Variants in CFAP54 observed in about 807,000 individuals in gnomAD.
CFAP54 encodes cilia- and flagella-associated protein 54.
In CFAP54, 290 loss-of-function variants were observed where a neutral mutation model predicts 370.4. That is an observed-to-expected ratio of 0.78 (90% CI 0.71 to 0.86). The LOEUF is 0.86. Among genes scored for constraint, CFAP54 ranks in the 40% least tolerant of loss-of-function variants. The pLI, the probability that CFAP54 is intolerant of heterozygous loss-of-function variation, is 0.00. For synonymous variants in CFAP54, 1,206 were observed against 1,236.5 expected, an observed-to-expected ratio of 0.98 and a Z score of 0.52; for missense variants, 3,399 against 3,528.7, an observed-to-expected ratio of 0.96 and a Z score of 0.93.
At position 96,691,215 on chromosome 12, in the gene CFAP54, C is replaced by T. The variant is rs541745068; in HGVS notation, c.6169C>T (p.Leu2057Phe). ...EITQLLPGIELFSDRYRADIC... is the reference protein window; with the variant it reads ...EITQLLPGIEFFSDRYRADIC... ...CACTCAGCTTCTCCCAGGCATTGAA[C>T]TCTTCTCAGATAGATACAGGGCTGA... Residue 2057 changes from leucine to phenylalanine, a missense_variant, in exon 44 of 68, where the codon CTC becomes TTC. Leu to Phe is a conservative substitution (Grantham distance 22). Around this residue, in one of 3 missense-constraint regions of CFAP54, gnomAD observed 2,796 missense variants for 2,869.7 expected, o/e 0.97. Transcript: ENST00000524981. The T allele has an allele frequency of 1.1e-5, 18 of 1,613,552 alleles. No individual in the cohort carries two copies. Among genetic ancestry groups the T allele is most frequent in the Non-Finnish European group, 5.9e-6 (7 of 1,179,690 alleles).
intron 26 of CFAP54, among the ~76,000 whole-genome samples, chr12:96,619,399 T>G (rs1355672618): frequency 6.6e-6 from 1 of 152,162 alleles, no homozygotes; most frequent in African/African-American, 2.4e-5. Context: ...GTCAAATGGC[T>G]CTGTTTCTTT....
intron 50 of CFAP54, among the ~76,000 whole-genome samples, chr12:96,725,470 C>T (rs1200436116): frequency 6.6e-6 from 1 of 151,904 alleles, no homozygotes; most frequent in East Asian, 1.9e-4. Context: ...TGATTTGGCT[C>T]TCTGTTTGTC....
rs1167633285 is a variant in CFAP54, at chr12:96,651,647, GAAC to G, written c.4933_4935del (p.Asn1645del). 6.2e-7 allele frequency: 1 copy of G among 1,614,144 alleles called. No homozygotes were observed. Among genetic ancestry groups the G allele is most frequent in the African/African-American group, 1.3e-5 (1 of 75,040 alleles). On this transcript the variant is annotated inframe_deletion, in exon 36 of 68. Coordinates refer to ENST00000524981, the MANE Select transcript of CFAP54 (RefSeq NM_001306084.2). ...TTCAGAACTGCTGTCGGGCCTTATGGAACTTTACTCAGGAACTACAAATACTTC... is the reference window on the plus strand; with the variant it reads ...TTCAGAACTGCTGTCGGGCCTTATGGTTTACTCAGGAACTACAAATACTTC...
intron 62 of CFAP54, 63 bp downstream of exon 62, chr12:96,786,961 G>T: frequency 8.3e-7 from 1 of 1,199,756 alleles, no homozygotes; most frequent in Non-Finnish European, 1.1e-6. Context: ...TTATATTTCA[G>T]AAGGAAACAC....
chr12:96,762,635 ATGT>A (rs1362759273), intron 58 of CFAP54, among the ~76,000 whole-genome samples: 5 of 152,122 alleles, frequency 3.3e-5, no homozygotes, highest in African/African-American at 7.2e-5. Context: ...TAGTTATTTA[ATGT>A]TGTTCTCTAT....
intron 22 of CFAP54, among the ~76,000 whole-genome samples, chr12:96,585,045 T>C (rs1328243415): frequency 6.6e-6 from 1 of 152,226 alleles, no homozygotes; most frequent in South Asian, 2.1e-4. Flanking sequence ...CTCTCTTTTT[T>C]TTTTTTTCTT....
intron 55 of CFAP54, among the ~76,000 whole-genome samples, chr12:96,746,663 T>C (rs1958117163): frequency 6.6e-6 from 1 of 152,196 alleles, no homozygotes; most frequent in Non-Finnish European, 1.5e-5. Flanking sequence ...AGGCTTCTTA[T>C]GATGTGGTCC....
intron 23 of CFAP54, among the ~76,000 whole-genome samples, chr12:96,589,903 C>T (rs976090933): frequency 1.1e-4 from 16 of 152,062 alleles, no homozygotes; most frequent in African/African-American, 2.4e-5. Context: ...TGCACCACCA[C>T]GCCCTGCTAA....
chr12:96,796,037 C>G (rs2136706971), intron 63 of CFAP54, among the ~76,000 whole-genome samples: 1 of 152,318 alleles, frequency 6.6e-6, no homozygotes, highest in South Asian at 2.1e-4. Context: ...AAGGTCACAT[C>G]CTTCTCCTGT....
chr12:96,717,615 T>C (rs114785470), intron 48 of CFAP54, among the ~76,000 whole-genome samples: 1,692 of 152,346 alleles, frequency 0.011, 30 homozygotes, highest in African/African-American at 0.036. Flanking sequence ...TTCTCCCCTG[T>C]TCAGAATAAG....
chr12:96,820,655 C>T (rs1012302490), intron 65 of CFAP54, among the ~76,000 whole-genome samples: 2 of 152,158 alleles, frequency 1.3e-5, no homozygotes, highest in African/African-American at 4.8e-5. Context: ...TAATGATGTA[C>T]TGAGTGCTTA....
At chr12:96,600,071 T>G (rs1317670426) in intron 26 of CFAP54, among the ~76,000 whole-genome samples, 5 of 152,238 alleles carry the variant, frequency 3.3e-5, no homozygotes, top group African/African-American at 1.2e-4. Flanking sequence ...ATGAAGTCTT[T>G]GCCCATGCCT....
At chr12:96,789,876 A>C (rs1310307796) in intron 62 of CFAP54, among the ~76,000 whole-genome samples, 1 of 152,210 alleles carries the variant, frequency 6.6e-6, no homozygotes, top group African/African-American at 2.4e-5. Context: ...GCTAATGAGC[A>C]TAAAGCCTTT....
At chr12:96,701,777 G>A (rs951419632) in intron 46 of CFAP54, among the ~76,000 whole-genome samples, 2 of 152,194 alleles carry the variant, frequency 1.3e-5, no homozygotes, top group African/African-American at 4.8e-5. Context: ...CAATGAGGAG[G>A]AGGAGGAGGA....
rs1380216766 is a variant in CFAP54 at position 96,875,098 on chromosome 12, A to T, written c.*15-20A>T. 6.6e-6 allele frequency: 1 copy of T among 152,036 alleles called. No individual in the cohort carries two copies. Among genetic ancestry groups the T allele is most frequent in the Non-Finnish European group, 1.5e-5 (1 of 67,992 alleles). 9.4% of individuals were successfully genotyped at this position (152,036 alleles called of 1,614,324 possible). ...AAAATTATATGAAATTCAAGGTATT[A>T]CTCTTTTTTCCTCCTCTAGGGATGA... On this transcript the variant is annotated intron_variant, in intron 67 of 67. Coordinates refer to ENST00000524981, the MANE Select transcript of CFAP54 (RefSeq NM_001306084.2).
At chr12:96,826,027 G>T (rs1394840800) in intron 65 of CFAP54, among the ~76,000 whole-genome samples, 2 of 141,820 alleles carry the variant, frequency 1.4e-5, no homozygotes, top group African/African-American at 5.1e-5. Context: ...ATTAATAATA[G>T]ATATTAATAT....
chr12:96,792,572 A>G (rs1958712825), intron 63 of CFAP54, 73 bp downstream of exon 63: 1 of 1,151,416 alleles, frequency 8.7e-7, no homozygotes, highest in African/African-American at 1.6e-5. Context: ...TAACTTGGAG[A>G]GTAGAGGACA....
chr12:96,565,507 G>T (rs919923095), intron 19 of CFAP54, among the ~76,000 whole-genome samples: 3 of 151,978 alleles, frequency 2.0e-5, no homozygotes, highest in Admixed American at 2.0e-4. Context: ...GATAAGAGAA[G>T]GAAAAAAGTA....
intron 67 of CFAP54, among the ~76,000 whole-genome samples, chr12:96,866,816 A>G (rs1960017108): frequency 6.6e-6 from 1 of 152,230 alleles, no homozygotes; most frequent in Admixed American, 6.5e-5. Flanking sequence ...ATATTTAACT[A>G]CATTTTCTAT....
Sources: gnomAD v4.1 joint callset for allele counts (sites outside exome capture counted in the v4.1 genomes callset) on GRCh38, gnomAD v4.1.1 for gene constraint, gnomAD v4.1.1 regional missense constraint, MANE v1.5 for transcripts, NCBI Gene and HGNC (gene_info 2026-07-23, HGNC 2026-07-21) for gene names.